SPHK2: variants seen among roughly 807,000 people sequenced by gnomAD.
SPHK2 encodes the protein sphingosine kinase 2.
Under a neutral mutation model 32.3 loss-of-function variants are expected in SPHK2, and 18 were observed. That is an observed-to-expected ratio of 0.56 (90% CI 0.39 to 0.83). The LOEUF (loss-of-function observed/expected upper bound fraction) is 0.83, where lower values mean the gene tolerates loss of function less well. SPHK2 is among the 40% of genes least tolerant of loss of function. The pLI, the probability that SPHK2 is intolerant of heterozygous loss-of-function variation, is 0.00. For missense variants in SPHK2, 850 were observed against 908.7 expected (o/e 0.94, Z 0.83); for synonymous variants, 462 against 417.6 (o/e 1.11, Z -1.30).
chr19:48,624,451 G>C (rs1050885384), intron 2 of SPHK2: 1 of 152,458 alleles, frequency 6.6e-6, no homozygotes, highest in African/African-American at 2.4e-5. Flanking sequence ...TGCGGGGGTC[G>C]GGGCAGGGAC....
At chr19:48,623,026 C>T (rs866515920) in intron 2 of SPHK2, among the ~76,000 whole-genome samples, 2 of 151,138 alleles carry the variant, frequency 1.3e-5, no homozygotes, top group Non-Finnish European at 2.9e-5. Context: ...GGATGGATCA[C>T]GAGGTCAGGA....
At chr19:48,625,848 T>A in intron 2 of SPHK2, 43 bp from the exon 3 acceptor site, 1 of 1,595,240 alleles carries the variant, frequency 6.3e-7, no homozygotes, top group Non-Finnish European at 8.5e-7. Context: ...GCCCCTGCCA[T>A]GGGGTCCTGA....
chr19:48,625,464 C>T, intron 2 of SPHK2: 1 of 1,203,918 alleles, frequency 8.3e-7, no homozygotes, highest in Non-Finnish European at 1.1e-6. Context: ...TATCCAATCC[C>T]ACTATCCATT....
Position 48,629,878 on chromosome 19 carries a change from C to A in SPHK2, c.*105C>A. 6.9e-7 allele frequency: 1 copy of A among 1,457,760 alleles called. No individual in the cohort carries two copies. The highest frequency in any genetic ancestry group is 2.4e-5 in the East Asian group (1 of 40,926). The allele number at this position is 1,457,760 out of a possible 1,614,324, so 90.3% of individuals were successfully genotyped here. A position where few individuals can be genotyped will look rare whatever the true frequency, so the allele number is the denominator to read the frequency against. ...GCTGCTAGAGTTGTGGTGGCAGGGG[C>A]CCTGGCCCCGTCTCAGGATTGCGCT... is the stretch of plus-strand genomic sequence containing the variant. On this transcript the variant is annotated 3_prime_UTR_variant, in exon 7 of 7. Transcript: ENST00000245222.
rs572619823 is a variant in SPHK2 at position 48,619,599 on chromosome 19, C to G, written c.-114+56C>G. 63 of 200,154 alleles carry G rather than the reference C, an allele frequency of 3.1e-4. No homozygotes were observed. The South Asian group carries it at 4.6e-3, about 15-fold the overall frequency. 12.4% of individuals were successfully genotyped at this position (200,154 alleles called of 1,614,324 possible). On this transcript the variant is annotated intron_variant, in intron 1 of 6. Transcript: ENST00000245222. ...GGGCATCTGGAAATTTCCGACCCCA[C>G]GCTTCGGGCGTTTCCTTATCAGGTT...
chr19:48,621,794 T>C (rs1974416251), intron 2 of SPHK2, among the ~76,000 whole-genome samples: 1 of 152,148 alleles, frequency 6.6e-6, no homozygotes, highest in African/African-American at 2.4e-5. Flanking sequence ...ATGCATTACA[T>C]TATTTCTTAC....
Position 48,628,712 on chromosome 19 carries a change from C to G in SPHK2, c.904C>G (p.Leu302Val). The change falls in exon 7 of 7, where the codon CTC (leucine) becomes GTC (valine). Residue 302 changes from leucine (L) to valine (V), a missense_variant. Around this residue, in one of 2 missense-constraint regions of SPHK2, gnomAD observed 544 missense variants for 640.0 expected, o/e 0.85. Coordinates refer to ENST00000245222, the MANE Select transcript of SPHK2 (RefSeq NM_020126.5). This position sits in a 1 kb window ranked among gnomAD's most constrained non-coding sequence, Gnocchi z 5.2. The part of the protein sequence containing the change: ...FEPALGLDLL[L>V]NCSLLLCRGG... ...GCCAGCCCTGGGCCTCGACCTGTTG[C>G]TCAACTGCTCACTGTTGCTGTGCCG... 2.5e-6 allele frequency: 4 copies of G among 1,612,676 alleles called. No individual in the cohort carries two copies. The highest frequency in any genetic ancestry group is 2.5e-6 in the Non-Finnish European group (3 of 1,180,020).
Position 48,628,199 on chromosome 19 carries a change from A to T in SPHK2, c.794A>T (p.Glu265Val). 1.2e-6 allele frequency: 2 copies of T among 1,613,612 alleles called. No individual in the cohort carries two copies. The highest frequency in any genetic ancestry group is 1.7e-6 in the Non-Finnish European group (2 of 1,179,888). ...CTCCTAGATCGCCCTGACTGGGAGG[A>T]AGCTGTGAAGATGCCTGTGGGCATC... ...NGLLDRPDWE[E>V]AVKMPVGILP... Residue 265 changes from glutamate to valine, a missense_variant, in exon 6 of 7, where the codon GAA becomes GTA. Around this residue, in one of 2 missense-constraint regions of SPHK2, gnomAD observed 544 missense variants for 640.0 expected, o/e 0.85. Transcript: ENST00000245222. This position sits in a 1 kb window ranked among gnomAD's most constrained non-coding sequence, Gnocchi z 5.2.
At chr19:48,620,113 G>C (rs1473369284) in intron 1 of SPHK2, among the ~76,000 whole-genome samples, 8 of 42,828 alleles carry the variant, frequency 1.9e-4, no homozygotes, top group Non-Finnish European at 3.5e-4. Context: ...ATGACAACAG[G>C]CCTGGCACAC....
rs1335677063 is a variant in SPHK2, at chr19:48,628,125, C to T, written c.757-37C>T. 1 of 1,596,664 alleles carries T rather than the reference C, an allele frequency of 6.3e-7. No homozygotes were observed. The highest frequency in any genetic ancestry group is 8.6e-7 in the Non-Finnish European group (1 of 1,168,986). On this transcript the variant is annotated intron_variant, in intron 5 of 6. Coordinates refer to ENST00000245222, the MANE Select transcript of SPHK2 (RefSeq NM_020126.5). The surrounding 1 kb of genome is among the most constrained non-coding windows in gnomAD (Gnocchi z 5.2). ...GGGCCCTGGGGGACTATAGAGACTG[C>T]CACCAGGACCCAGGCTTCTGGTCTC... is the stretch of plus-strand genomic sequence containing the variant.
At chr19:48,625,256 GTCTTACTC>G in intron 2 of SPHK2, 10 of 1,074,050 alleles carry the variant, frequency 9.3e-6, no homozygotes, top group Non-Finnish European at 1.1e-5. Flanking sequence ...GGGTGAAAAA[GTCTTACTC>G]TCTTAAGTAT....
At chr19:48,622,214 G>A (rs1974433376) in intron 2 of SPHK2, among the ~76,000 whole-genome samples, 2 of 149,500 alleles carry the variant, frequency 1.3e-5, no homozygotes, top group South Asian at 4.2e-4. Context: ...AGTCGAGATC[G>A]CGCCACTGCA....
At chr19:48,620,593 A>G (rs984944219) in intron 2 of SPHK2, 40 bp downstream of exon 2, 3 of 1,527,556 alleles carry the variant, frequency 2.0e-6, no homozygotes, top group Middle Eastern at 1.7e-4. Context: ...CATACTGTGG[A>G]AAGACAAAAT....
At chr19:48,622,030 C>A (rs566163001) in intron 2 of SPHK2, among the ~76,000 whole-genome samples, 52 of 151,846 alleles carry the variant, frequency 3.4e-4, no homozygotes, top group Non-Finnish European at 7.1e-4. Flanking sequence ...CCGAGATGGG[C>A]GGATCACGAG....
rs749261400 is a variant in SPHK2, at chr19:48,629,291, C to A, written c.1483C>A (p.Pro495Thr). The A allele has an allele frequency of 6.2e-7, 1 of 1,613,614 alleles. No individual in the cohort carries two copies. The highest frequency in any genetic ancestry group is 1.3e-5 in the African/African-American group (1 of 75,060). ...CTCCGAAGGGGCCCCCGTAATTCCCCCATCCTCTGGGCTCCCACTTCCCAC... is the reference window on the plus strand; with the variant it reads ...CTCCGAAGGGGCCCCCGTAATTCCCACATCCTCTGGGCTCCCACTTCCCAC... ...PVSEGAPVIP[P>T]SSGLPLPTPD... The change falls in exon 7 of 7, where the codon CCA becomes ACA. Residue 495 changes from proline (P) to threonine (T), a missense_variant. Pro to Thr is a conservative substitution (Grantham distance 38). Transcript: ENST00000245222.
At position 48,619,506 on chromosome 19, in the gene SPHK2, A is replaced by C. The variant is rs1055160109; in HGVS notation, c.-151A>C. On this transcript the variant is annotated 5_prime_UTR_variant, in exon 1 of 7. Coordinates refer to ENST00000245222, the MANE Select transcript of SPHK2 (RefSeq NM_020126.5). ...TCTGGCCCGACGCCGACGGCCTCTCAGTGGCTCCCGGAGGACCCGGCGGGC... is the reference window on the plus strand; with the variant it reads ...TCTGGCCCGACGCCGACGGCCTCTCCGTGGCTCCCGGAGGACCCGGCGGGC... 2 of 316,188 alleles carry C rather than the reference A, an allele frequency of 6.3e-6. No individual in the cohort carries two copies. Among genetic ancestry groups the C allele is most frequent in the African/African-American group, 4.3e-5 (2 of 46,258 alleles). The allele number at this position is 316,188 out of a possible 1,614,324, so 19.6% of individuals were successfully genotyped here.
Position 48,628,153 on chromosome 19 carries a change from A to G in SPHK2, c.757-9A>G. 3 of 1,610,194 alleles carry G rather than the reference A, an allele frequency of 1.9e-6. No individual in the cohort carries two copies. The highest frequency in any genetic ancestry group is 2.5e-6 in the Non-Finnish European group (3 of 1,177,754). On this transcript the variant is annotated splice_polypyrimidine_tract_variant and intron_variant, in intron 5 of 6. Coordinates refer to ENST00000245222, the MANE Select transcript of SPHK2 (RefSeq NM_020126.5). The surrounding 1 kb of genome is among the most constrained non-coding windows in gnomAD (Gnocchi z 5.2). ...CCAGGACCCAGGCTTCTGGTCTCCCACCCTCCAGGTGCTGAACGGGCTCCT... is the reference window on the plus strand; with the variant it reads ...CCAGGACCCAGGCTTCTGGTCTCCCGCCCTCCAGGTGCTGAACGGGCTCCT...
At position 48,629,276 on chromosome 19, in the gene SPHK2, GC is replaced by G. The variant is rs1555742836; in HGVS notation, c.1473del (p.Val492Ter). ...TCTACACTCACCCGTCTCCGAAGGG[GC>G]CCCCGTAATTCCCCCATCCTCTGGG... ...AALHSPVSEG[A>X]PVIPPSSGLP... is the part of the protein sequence containing the mutation. On this transcript the variant is annotated frameshift_variant, in exon 7 of 7. Transcript: ENST00000245222. LOFTEE classifies it low-confidence loss of function (END_TRUNC). 6.2e-7 allele frequency: 1 copy of G among 1,613,562 alleles called. No homozygotes were observed. Among genetic ancestry groups the G allele is most frequent in the Non-Finnish European group, 8.5e-7 (1 of 1,179,960 alleles).
chr19:48,627,905 TGGGTGGGACTCCTGGGTCTATGGGGCTG>T, intron 4 of SPHK2, 42 bp from the exon 5 acceptor site: 3 of 1,572,080 alleles, frequency 1.9e-6, no homozygotes, highest in Non-Finnish European at 2.6e-6. Flanking sequence ...AGCAAAGTGG[TGGGTGGGACTCCTGGGTCTATGGGGCTG>T]GGGTGGGACA....
Sources: allele counts gnomAD v4.1 joint callset (sites outside exome capture counted in the v4.1 genomes callset), GRCh38; gene constraint gnomAD v4.1.1; regional missense constraint gnomAD v4.1.1; non-coding constraint Gnocchi (gnomAD v3.1); transcripts MANE v1.5; gene names NCBI Gene and HGNC (gene_info 2026-07-23, HGNC 2026-07-21).